The following ACTL8 variants were observed in gnomAD, a reference collection of about 807,000 sequenced individuals.
The protein encoded by ACTL8 is actin like 8.
ACTL8 carries 3 observed loss-of-function variants against 9.3 expected under a neutral mutation model. That is an observed-to-expected ratio of 0.32 (90% confidence interval 0.15 to 0.83). The LOEUF (loss-of-function observed/expected upper bound fraction) is 0.83, where lower values mean the gene tolerates loss of function less well. Ranked by LOEUF, ACTL8 falls within the 40% of genes least tolerant of loss-of-function variation. ACTL8 has a pLI of 0.57. For synonymous variants in ACTL8, 224 were observed against 205.9 expected (o/e 1.09, Z -0.75); for missense variants, 381 against 492.2 (o/e 0.77, Z 2.14).
At chr1:17,778,081 T>C (rs2066129604) in intron 1 of ACTL8, among the ~76,000 whole-genome samples, 1 of 152,192 alleles carries the variant, frequency 6.6e-6, no homozygotes, top group South Asian at 2.1e-4. Context: ...TGTTGGCTGC[T>C]TTGAGGGCTG....
intron 1 of ACTL8, among the ~76,000 whole-genome samples, chr1:17,762,779 C>T (rs1480779788): frequency 1.3e-5 from 2 of 152,098 alleles, no homozygotes; most frequent in Non-Finnish European, 2.9e-5. Context: ...CCCCCAAGGC[C>T]TTGTTCCCCG....
chr1:17,780,286 G>A (rs2066145727), intron 1 of ACTL8, among the ~76,000 whole-genome samples: 1 of 152,198 alleles, frequency 6.6e-6, no homozygotes, highest in Non-Finnish European at 1.5e-5. Context: ...AGCCTGGGAA[G>A]ACCTTAGGAT....
intron 2 of ACTL8, among the ~76,000 whole-genome samples, chr1:17,824,099 G>C (rs2053688391): frequency 6.6e-6 from 1 of 151,824 alleles, no homozygotes; most frequent in African/African-American, 2.4e-5. Flanking sequence ...CTTCTCTGAC[G>C]GAGGTGATTT....
rs59143238 is a variant in ACTL8, at chr1:17,800,583, C to CTTT, written c.-24-22377_-24-22375dup. Among the ~76,000 whole-genome samples the CTTT allele has an allele frequency of 1.4e-3, 94 of 69,162 alleles. 6 individuals carry two copies. The highest frequency in any genetic ancestry group is 2.6e-3 in the East Asian group (5 of 1,900). The allele number at this position is 69,162 out of a possible 152,430, so 45.4% of individuals were successfully genotyped here. ...CAAACTTCCTTGCCTTGGTGTCAATCTTTTTTTTTTTTTTTTTTTTTTTTT... is the reference window on the plus strand; with the variant it reads ...CAAACTTCCTTGCCTTGGTGTCAATCTTTTTTTTTTTTTTTTTTTTTTTTTTTT... On this transcript the variant is annotated intron_variant, in intron 1 of 2. Transcript: ENST00000375406.
intron 1 of ACTL8, among the ~76,000 whole-genome samples, chr1:17,776,944 C>G (rs2066122178): frequency 6.9e-6 from 1 of 144,174 alleles, no homozygotes; most frequent in African/African-American, 2.6e-5. Flanking sequence ...GGACTATAGG[C>G]ATCCACCACC....
intron 1 of ACTL8, among the ~76,000 whole-genome samples, chr1:17,814,400 A>G (rs1455697332): frequency 6.6e-6 from 1 of 152,184 alleles, no homozygotes; most frequent in Non-Finnish European, 1.5e-5. Context: ...ATAACATGCC[A>G]TACCAGTTTG....
intron 1 of ACTL8, among the ~76,000 whole-genome samples, chr1:17,813,325 TAA>T (rs1190923151): frequency 6.6e-6 from 1 of 152,234 alleles, no homozygotes; most frequent in Non-Finnish European, 1.5e-5. Flanking sequence ...TGTTCCTAGT[TAA>T]AGATTTTTAT....
intron 1 of ACTL8, among the ~76,000 whole-genome samples, chr1:17,814,121 A>C (rs1313826818): frequency 2.0e-5 from 3 of 152,220 alleles, no homozygotes; most frequent in Non-Finnish European, 2.9e-5. Context: ...CATTTTGATC[A>C]ACCACAGATG....
chr1:17,823,368 C>T lies in ACTL8; in HGVS notation c.348+12C>T, dbSNP rs759993038. 1.2e-5 allele frequency: 20 copies of T among 1,605,380 alleles called. No individual in the cohort carries two copies. The highest frequency in any genetic ancestry group is 6.6e-5 in the South Asian group (6 of 90,302). On this transcript the variant is annotated intron_variant, in intron 2 of 2. Coordinates refer to ENST00000375406, the MANE Select transcript of ACTL8 (RefSeq NM_030812.3). This position sits in a 1 kb window ranked among gnomAD's most constrained non-coding sequence, Gnocchi z 5.3. ...AGAAGATGCTGGAGGTGAGGCCTGC[C>T]GGGGCCTGCTCCCACTCGGGAGCGG...
intron 1 of ACTL8, among the ~76,000 whole-genome samples, chr1:17,785,274 T>A (rs2066188540): frequency 2.0e-5 from 3 of 152,158 alleles, no homozygotes; most frequent in Admixed American, 2.0e-4. Flanking sequence ...GTAAGACCTG[T>A]TCTTGGTGGG....
At chr1:17,756,610 T>G (rs1176039177) in intron 1 of ACTL8, among the ~76,000 whole-genome samples, 1 of 152,202 alleles carries the variant, frequency 6.6e-6, no homozygotes, top group East Asian at 1.9e-4. Flanking sequence ...TGGTGTCCTT[T>G]CCTTGACTGG....
At chr1:17,783,731 A>G (rs540398730) in intron 1 of ACTL8, among the ~76,000 whole-genome samples, 63 of 152,324 alleles carry the variant, frequency 4.1e-4, no homozygotes, top group African/African-American at 1.5e-3. Context: ...GTTCACTTTC[A>G]TTCTAAGGAA....
intron 1 of ACTL8, among the ~76,000 whole-genome samples, chr1:17,781,112 G>A (rs2066151769): frequency 1.3e-5 from 2 of 152,094 alleles, no homozygotes; most frequent in Non-Finnish European, 2.9e-5. Flanking sequence ...TCCAGCTTCT[G>A]GGGAATCCTG....
At chr1:17,768,705 G>A (rs1472397431) in intron 1 of ACTL8, among the ~76,000 whole-genome samples, 2 of 152,184 alleles carry the variant, frequency 1.3e-5, no homozygotes, top group African/African-American at 4.8e-5. Context: ...TAGGAGGGGC[G>A]TTTGGGGAAT....
chr1:17,794,950 G>C (rs1355398951), intron 1 of ACTL8, among the ~76,000 whole-genome samples: 1 of 152,210 alleles, frequency 6.6e-6, no homozygotes. Flanking sequence ...GATGACATCT[G>C]CAGAAGGAGG....
At chr1:17,783,795 C>G (rs930724566) in intron 1 of ACTL8, among the ~76,000 whole-genome samples, 5 of 152,236 alleles carry the variant, frequency 3.3e-5, no homozygotes, top group Non-Finnish European at 7.3e-5. Context: ...CTACAATTCT[C>G]AAATGAGAAA....
intron 1 of ACTL8, among the ~76,000 whole-genome samples, chr1:17,781,237 CTTTT>C (rs55725416): frequency 3.7e-5 from 5 of 136,032 alleles, no homozygotes; most frequent in Non-Finnish European, 3.2e-5. Context: ...CATTTTCTTT[CTTTT>C]TTTTTTTTTT....
rs114289398 is a variant in ACTL8 at position 17,775,645 on chromosome 1, G to C, written c.-25+20141G>C. 8.7e-3 allele frequency among the ~76,000 whole-genome samples: 1,318 copies of C among 152,270 alleles called. 17 individuals are homozygous for C. The highest frequency in any genetic ancestry group is 0.03 in the African/African-American group (1,246 of 41,558). ...CATGGTAGTTAAATCTAACAGCCAC[G>C]TCAGTCCTCATCCTGATCTCAGCAG... On this transcript the variant is annotated intron_variant, in intron 1 of 2. Coordinates refer to ENST00000375406, the MANE Select transcript of ACTL8 (RefSeq NM_030812.3).
chr1:17,785,484 G>T (rs1347027753), intron 1 of ACTL8, among the ~76,000 whole-genome samples: 3 of 152,220 alleles, frequency 2.0e-5, no homozygotes, highest in African/African-American at 7.2e-5. Flanking sequence ...CTAATAGGTT[G>T]TTGTGACAAT....
Sources: gnomAD v4.1 joint callset for allele counts (sites outside exome capture counted in the v4.1 genomes callset) on GRCh38, gnomAD v4.1.1 for gene constraint, Gnocchi (gnomAD v3.1) non-coding constraint, MANE v1.5 for transcripts, NCBI Gene and HGNC (gene_info 2026-07-23, HGNC 2026-07-21) for gene names.